TAFA1: variants seen among roughly 807,000 people sequenced by gnomAD.
TAFA1 encodes TAFA chemokine like family member 1.
Under a neutral mutation model 18.5 loss-of-function variants are expected in TAFA1, and 4 were observed. The ratio of observed to expected loss-of-function variants is 0.22; its 90% CI spans 0.11 to 0.49. The LOEUF is 0.49. Ranked by LOEUF, TAFA1 falls within the 20% of genes least tolerant of loss-of-function variation. TAFA1 has a pLI of 0.98. For missense variants in TAFA1, 147 were observed against 169.0 expected (o/e 0.87, Z 0.72); for synonymous variants, 56 against 55.2 (o/e 1.01, Z -0.06).
intron 2 of TAFA1, among the ~76,000 whole-genome samples, chr3:68,221,839 A>AC (rs2066734676): frequency 6.6e-6 from 1 of 152,212 alleles, no homozygotes; most frequent in Admixed American, 6.5e-5. Flanking sequence ...CAGAGACACC[A>AC]CTAACAATCA....
At chr3:68,377,175 T>C (rs899247503) in intron 2 of TAFA1, among the ~76,000 whole-genome samples, 5 of 152,150 alleles carry the variant, frequency 3.3e-5, no homozygotes, top group Admixed American at 2.6e-4. Flanking sequence ...CTGCTATAAA[T>C]AGATACTTGA....
chr3:68,231,392 C>T (rs1385628791), intron 2 of TAFA1, among the ~76,000 whole-genome samples: 10 of 111,922 alleles, frequency 8.9e-5, no homozygotes, highest in South Asian at 5.9e-4. Flanking sequence ...CTCGCTCTGT[C>T]GCCCAGGCCG....
At chr3:68,373,292 AG>A (rs1261792356) in intron 2 of TAFA1, among the ~76,000 whole-genome samples, 1 of 152,224 alleles carries the variant, frequency 6.6e-6, no homozygotes, top group Non-Finnish European at 1.5e-5. Flanking sequence ...TAATTCTATA[AG>A]GGAAGAAGAA....
At chr3:68,132,556 A>G (rs1334571990) in intron 2 of TAFA1, among the ~76,000 whole-genome samples, 1 of 152,122 alleles carries the variant, frequency 6.6e-6, no homozygotes, top group East Asian at 1.9e-4. Flanking sequence ...CTATTTCTTA[A>G]TGATCACCAT....
intron 2 of TAFA1, among the ~76,000 whole-genome samples, chr3:68,089,799 G>A (rs552932875): frequency 1.3e-5 from 2 of 152,284 alleles, no homozygotes; most frequent in South Asian, 2.1e-4. Flanking sequence ...GTCCCTCAAT[G>A]TCTGGGCTAG....
At chr3:68,089,529 A>T (rs978530200) in intron 2 of TAFA1, among the ~76,000 whole-genome samples, 1 of 152,176 alleles carries the variant, frequency 6.6e-6, no homozygotes, top group African/African-American at 2.4e-5. Flanking sequence ...AGGGTATAAG[A>T]GAGAAGGCAA....
At chr3:68,034,689 A>T (rs1344835706) in intron 2 of TAFA1, among the ~76,000 whole-genome samples, 1 of 152,048 alleles carries the variant, frequency 6.6e-6, no homozygotes, top group East Asian at 1.9e-4. Flanking sequence ...GAGGAGGAAC[A>T]TTTTCTGTTC....
chr3:68,053,404 T>A (rs1052538389), intron 2 of TAFA1, among the ~76,000 whole-genome samples: 6 of 152,256 alleles, frequency 3.9e-5, no homozygotes, highest in Admixed American at 3.9e-4. Flanking sequence ...ATTTAAGCCA[T>A]GAGCATGAAC....
chr3:68,250,132 C>A (rs190011738), intron 2 of TAFA1, among the ~76,000 whole-genome samples: 1 of 152,082 alleles, frequency 6.6e-6, no homozygotes. Flanking sequence ...GCTTTGTCCC[C>A]GCCTCATCAT....
rs80154666 is a variant in TAFA1, at chr3:68,173,234, G to T, written c.118+166490G>T. Among the ~76,000 whole-genome samples the T allele has an allele frequency of 7.2e-3, 1,096 of 151,788 alleles. 15 individuals carry two copies. The highest frequency in any genetic ancestry group is 0.025 in the African/African-American group (1,050 of 41,192). On this transcript the variant is annotated intron_variant, in intron 2 of 4. Coordinates refer to ENST00000478136, the MANE Select transcript of TAFA1 (RefSeq NM_213609.4). ...TGAGATACTGTTATTAACCTTAGCG[G>T]GTTTACTTGAAATATGTACATTATT...
intron 2 of TAFA1, among the ~76,000 whole-genome samples, chr3:68,258,370 A>G (rs1419557280): frequency 6.6e-6 from 1 of 152,172 alleles, no homozygotes; most frequent in African/African-American, 2.4e-5. Context: ...AAGTTGATGT[A>G]ATATATTGGC....
rs75550673 is a variant in TAFA1, at chr3:68,171,137, T to G, written c.118+164393T>G. ...TTTTAAATAGCAATATCATCTTGGATTATCTAGATGGGCCCAATGTAATCA... is the reference window on the plus strand; with the variant it reads ...TTTTAAATAGCAATATCATCTTGGAGTATCTAGATGGGCCCAATGTAATCA... On this transcript the variant is annotated intron_variant, in intron 2 of 4. Transcript: ENST00000478136. 4.6e-3 allele frequency among the ~76,000 whole-genome samples: 707 copies of G among 152,256 alleles called. 29 individuals carry two copies. The East Asian group carries it at 0.091, about 20-fold the overall frequency.
intron 2 of TAFA1, among the ~76,000 whole-genome samples, chr3:68,295,110 C>CA (rs148026183): frequency 5.3e-5 from 2 of 38,092 alleles, no homozygotes; most frequent in South Asian, 1.5e-3. Context: ...CTCCTGAGCC[C>CA]TAACAGTTGA....
At chr3:68,357,715 A>T (rs577301615) in intron 2 of TAFA1, among the ~76,000 whole-genome samples, 26 of 152,004 alleles carry the variant, frequency 1.7e-4, no homozygotes, top group Non-Finnish European at 3.2e-4. Context: ...GATTCTTGTT[A>T]TGTTGTGCAA....
At chr3:68,025,994 G>A (rs1704806294) in intron 2 of TAFA1, among the ~76,000 whole-genome samples, 1 of 151,924 alleles carries the variant, frequency 6.6e-6, no homozygotes, top group South Asian at 2.1e-4. Context: ...TTATGTCAGA[G>A]GGCAAAAAGA....
chr3:68,261,097 G>A (rs2067411271), intron 2 of TAFA1, among the ~76,000 whole-genome samples: 1 of 151,742 alleles, frequency 6.6e-6, no homozygotes, highest in African/African-American at 2.4e-5. Flanking sequence ...ATCAAAAAGT[G>A]GGCGAAGGAT....
intron 2 of TAFA1, among the ~76,000 whole-genome samples, chr3:68,106,202 C>G (rs1203371683): frequency 6.6e-6 from 1 of 151,810 alleles, no homozygotes; most frequent in Non-Finnish European, 1.5e-5. Context: ...AATACTCTAG[C>G]CATACTTCAC....
At chr3:68,043,647 G>A (rs1439278794) in intron 2 of TAFA1, among the ~76,000 whole-genome samples, 3 of 152,110 alleles carry the variant, frequency 2.0e-5, no homozygotes, top group African/African-American at 7.2e-5. Flanking sequence ...TTCTAAAAGA[G>A]GCTAAGGCTG....
intron 3 of TAFA1, among the ~76,000 whole-genome samples, chr3:68,474,683 C>T (rs1358321378): frequency 6.6e-6 from 1 of 152,172 alleles, no homozygotes; most frequent in Non-Finnish European, 1.5e-5. Context: ...TAACTATATT[C>T]CCAGCCATTT....
Sources: allele counts gnomAD v4.1 joint callset (sites outside exome capture counted in the v4.1 genomes callset), GRCh38; gene constraint gnomAD v4.1.1; transcripts MANE v1.5; gene names NCBI Gene and HGNC (gene_info 2026-07-23, HGNC 2026-07-21).